Variants in CADM1 observed in about 807,000 individuals in gnomAD.
The protein encoded by CADM1 is TSLC-1.
CADM1 carries 15 observed loss-of-function variants against 53.1 expected under a neutral mutation model. That is an observed-to-expected ratio of 0.28 (90% CI 0.19 to 0.44). The LOEUF (loss-of-function observed/expected upper bound fraction) is 0.44. CADM1 is among the 20% of genes least tolerant of loss of function. The pLI, the probability that CADM1 is intolerant of heterozygous loss-of-function variation, is 1.00. For missense variants in CADM1, 434 were observed against 611.3 expected (o/e 0.71, Z 3.06); for synonymous variants, 281 against 243.0 (o/e 1.16, Z -1.45).
At chr11:115,270,154 A>G (rs1943257037) in intron 1 of CADM1, among the ~76,000 whole-genome samples, 1 of 152,230 alleles carries the variant, frequency 6.6e-6, no homozygotes, top group African/African-American at 2.4e-5. Context: ...TAGACTTCTA[A>G]AAGAGAATAC....
At position 115,309,004 on chromosome 11, in the gene CADM1, A is replaced by C. The variant is rs912798153; in HGVS notation, c.125-68584T>G. Among the ~76,000 whole-genome samples the C allele has an allele frequency of 2.2e-4, 34 of 152,254 alleles. 2 individuals are homozygous for C. Among genetic ancestry groups the C allele is most frequent in the Admixed American group, 2.0e-3 (31 of 15,252 alleles). ...GATTTGCTTCTACAAACTGGCAAGA[A>C]ACATTTAAGCAAGATGTAAATGGTA... On this transcript the variant is annotated intron_variant, in intron 1 of 11. Transcript: ENST00000331581.
At chr11:115,350,648 A>C (rs1945709220) in intron 1 of CADM1, among the ~76,000 whole-genome samples, 1 of 151,832 alleles carries the variant, frequency 6.6e-6, no homozygotes, top group East Asian at 1.9e-4. Flanking sequence ...AAAAAAAAAA[A>C]TTAAATCTAT....
At chr11:115,462,452 A>C (rs1227855943) in intron 1 of CADM1, among the ~76,000 whole-genome samples, 2 of 152,088 alleles carry the variant, frequency 1.3e-5, no homozygotes, top group Non-Finnish European at 2.9e-5. Flanking sequence ...GAATCACCCA[A>C]TCTGGCTTGC....
At chr11:115,176,895 G>T (rs985978715) in intron 11 of CADM1, among the ~76,000 whole-genome samples, 2 of 152,224 alleles carry the variant, frequency 1.3e-5, no homozygotes, top group Non-Finnish European at 2.9e-5. Flanking sequence ...GCAGAAAGCT[G>T]GAGAGGGGCT....
intron 1 of CADM1, among the ~76,000 whole-genome samples, chr11:115,393,339 C>G (rs990509885): frequency 2.0e-5 from 3 of 151,334 alleles, no homozygotes; most frequent in Non-Finnish European, 4.4e-5. Flanking sequence ...CTAAACTATA[C>G]TTTTATGGAT....
intron 3 of CADM1, among the ~76,000 whole-genome samples, chr11:115,234,893 CAAAAAAAAAAA>C (rs57197514): frequency 6.6e-5 from 5 of 75,398 alleles, no homozygotes; most frequent in Admixed American, 5.8e-4. Context: ...ACTCCGTCTC[CAAAAAAAAAAA>C]AAAAAAAAAA....
At chr11:115,434,860 ATTATTT>A (rs1948145025) in intron 1 of CADM1, among the ~76,000 whole-genome samples, 3 of 132,826 alleles carry the variant, frequency 2.3e-5, no homozygotes, top group African/African-American at 8.1e-5. Context: ...TATTATTATT[ATTATTT>A]TTTTTTTTTT....
intron 8 of CADM1, 53 bp from the exon 9 acceptor site, chr11:115,198,491 T>A: frequency 1.3e-6 from 2 of 1,503,398 alleles, no homozygotes; most frequent in Non-Finnish European, 1.8e-6. Flanking sequence ...AGGAACGGCA[T>A]GCAAAAAAAG....
chr11:115,256,188 A>T (rs1942781276), intron 1 of CADM1, among the ~76,000 whole-genome samples: 1 of 152,234 alleles, frequency 6.6e-6, no homozygotes, highest in African/African-American at 2.4e-5. Context: ...ATATGATTTG[A>T]AGGCAGGAAA....
intron 1 of CADM1, among the ~76,000 whole-genome samples, chr11:115,320,526 T>C (rs893250768): frequency 4.6e-5 from 7 of 152,170 alleles, no homozygotes; most frequent in Non-Finnish European, 7.3e-5. Context: ...GAATTTCCTA[T>C]GCAGATAGGT....
intron 1 of CADM1, among the ~76,000 whole-genome samples, chr11:115,471,899 G>A (rs1250809985): frequency 6.6e-6 from 1 of 152,166 alleles, no homozygotes; most frequent in Non-Finnish European, 1.5e-5. Context: ...GGCATGCAAA[G>A]AGTTCATGTA....
At chr11:115,294,383 C>T (rs897731989) in intron 1 of CADM1, among the ~76,000 whole-genome samples, 5 of 152,178 alleles carry the variant, frequency 3.3e-5, no homozygotes, top group East Asian at 1.9e-4. Context: ...AACTGAACTA[C>T]TGAAACTACT....
At chr11:115,376,120 A>C (rs572074219) in intron 1 of CADM1, among the ~76,000 whole-genome samples, 69 of 152,194 alleles carry the variant, frequency 4.5e-4, no homozygotes, top group Middle Eastern at 3.2e-3. Flanking sequence ...GTCAGTCAAG[A>C]TTTGAATCCT....
At chr11:115,357,142 C>A (rs1481341627) in intron 1 of CADM1, among the ~76,000 whole-genome samples, 6 of 152,136 alleles carry the variant, frequency 3.9e-5, no homozygotes, top group African/African-American at 1.4e-4. Flanking sequence ...GAAGCAATGT[C>A]CCTCGGGCCT....
chr11:115,311,243 A>T (rs563700142), intron 1 of CADM1, among the ~76,000 whole-genome samples: 1 of 152,282 alleles, frequency 6.6e-6, no homozygotes, highest in East Asian at 1.9e-4. Context: ...TTTTTAAAAG[A>T]TTTAATAATC....
intron 1 of CADM1, among the ~76,000 whole-genome samples, chr11:115,322,036 T>C (rs745413666): frequency 8.5e-5 from 13 of 152,190 alleles, no homozygotes; most frequent in Admixed American, 2.0e-4. Context: ...ATATACCATC[T>C]AGCTGGCGTC....
intron 1 of CADM1, among the ~76,000 whole-genome samples, chr11:115,293,293 C>T (rs892658939): frequency 2.0e-5 from 3 of 152,030 alleles, no homozygotes; most frequent in Non-Finnish European, 4.4e-5. Flanking sequence ...ATTAGCTGGG[C>T]GTGGTGGCGG....
intron 1 of CADM1, among the ~76,000 whole-genome samples, chr11:115,348,753 C>G (rs765610998): frequency 6.6e-6 from 1 of 152,106 alleles, no homozygotes; most frequent in Non-Finnish European, 1.5e-5. Context: ...AGCAAAACTG[C>G]TCACCACTGC....
At chr11:115,361,721 CTTATTA>C (rs1203290595) in intron 1 of CADM1, among the ~76,000 whole-genome samples, 5 of 151,862 alleles carry the variant, frequency 3.3e-5, no homozygotes, top group East Asian at 3.9e-4. Context: ...ACACCCAAAC[CTTATTA>C]TTATTATTTT....
Sources: allele counts gnomAD v4.1 joint callset (sites outside exome capture counted in the v4.1 genomes callset), GRCh38; gene constraint gnomAD v4.1.1; transcripts MANE v1.5; gene names NCBI Gene and HGNC (gene_info 2026-07-23, HGNC 2026-07-21).